ANKMY1: variants seen among roughly 807,000 people sequenced by gnomAD.
ANKMY1 encodes the protein ankyrin repeat and MYND domain-containing protein 1.
ANKMY1 carries 98 observed loss-of-function variants against 102.0 expected under a neutral mutation model. The ratio of observed to expected loss-of-function variants is 0.96; its 90% CI spans 0.82 to 1.14. The LOEUF (loss-of-function observed/expected upper bound fraction) is 1.14. Ranked by LOEUF, ANKMY1 falls within the 50% of genes most tolerant of loss-of-function variation. The pLI, the probability that ANKMY1 is intolerant of heterozygous loss-of-function variation, is 0.00. For missense variants in ANKMY1, 1,330 were observed against 1,347.6 expected (o/e 0.99, Z 0.20); for synonymous variants, 582 against 559.9 (o/e 1.04, Z -0.56).
chr2:240,492,931 C>G (rs1272867984), intron 15 of ANKMY1, among the ~76,000 whole-genome samples: 1 of 152,208 alleles, frequency 6.6e-6, no homozygotes, highest in Non-Finnish European at 1.5e-5. Flanking sequence ...CTCAAGTGAT[C>G]TGCCTGCCTC....
intron 15 of ANKMY1, among the ~76,000 whole-genome samples, chr2:240,498,784 C>T (rs943536840): frequency 9.9e-5 from 15 of 152,090 alleles, no homozygotes; most frequent in South Asian, 8.3e-4. Context: ...CCCTTGGGGA[C>T]GAGTGAGTTC....
At chr2:240,527,507 G>A (rs370804885) in intron 5 of ANKMY1, 2 of 28,000 alleles carry the variant, frequency 7.1e-5, no homozygotes, top group South Asian at 1.2e-3. Flanking sequence ...TTGGTGGGTG[G>A]ATCAATGTTG....
intron 15 of ANKMY1, among the ~76,000 whole-genome samples, chr2:240,494,938 T>C (rs1424163164): frequency 6.6e-6 from 1 of 152,124 alleles, no homozygotes; most frequent in East Asian, 1.9e-4. Context: ...TAGATATGAT[T>C]ATATATAAAT....
chr2:240,529,626 A>G lies in ANKMY1; in HGVS notation c.481-117T>C. On this transcript the variant is annotated intron_variant, in intron 4 of 17. Coordinates refer to ENST00000401804, the MANE Select transcript of ANKMY1 (RefSeq NM_001282771.3). This position sits in a 1 kb window ranked among gnomAD's most constrained non-coding sequence, Gnocchi z 4.2. ...GAAAACTTTCCCAAGAAATGCATGC[A>G]TTCAGCCAGTAAACATCTCTGGAGG... 1 of 1,011,604 alleles carries G rather than the reference A, an allele frequency of 9.9e-7. No individual in the cohort carries two copies. The highest frequency in any genetic ancestry group is 1.4e-6 in the Non-Finnish European group (1 of 711,250). 62.7% of individuals were successfully genotyped at this position (1,011,604 alleles called of 1,614,324 possible). A position where few individuals can be genotyped will look rare whatever the true frequency, so the allele number is the denominator to read the frequency against.
In ANKMY1 at chr2:240,549,186, A is replaced by G. The variant is rs541914937; in HGVS notation, c.480+3728T>C. Reference sequence around the variant, plus strand: ...ACAGAGATATAGATCAATGGAACAGAACAGAGCCCTCAGAAATAACGCCGC... The same window carrying G: ...ACAGAGATATAGATCAATGGAACAGGACAGAGCCCTCAGAAATAACGCCGC... On this transcript the variant is annotated intron_variant, in intron 4 of 17. Transcript: ENST00000401804. Among the ~76,000 whole-genome samples, 14 of 151,752 alleles carry G rather than the reference A, an allele frequency of 9.2e-5. No homozygotes were observed. The South Asian group carries it at 2.9e-3, about 32-fold the overall frequency.
intron 15 of ANKMY1, among the ~76,000 whole-genome samples, chr2:240,492,017 GATTT>G (rs1162380978): frequency 6.6e-6 from 1 of 151,706 alleles, no homozygotes; most frequent in Non-Finnish European, 1.5e-5. Flanking sequence ...AAAAAAAACT[GATTT>G]ATTTTTAGAG....
chr2:240,475,922 C>T (rs186970887), downstream of ANKMY1, among the ~76,000 whole-genome samples: 474 of 152,178 alleles, frequency 3.1e-3, 2 homozygotes, highest in Non-Finnish European at 4.7e-3. Context: ...GTCCATACTA[C>T]CCAAAGCAGT....
At chr2:240,516,685 G>A (rs1409361379) in intron 9 of ANKMY1, among the ~76,000 whole-genome samples, 1 of 152,176 alleles carries the variant, frequency 6.6e-6, no homozygotes, top group African/African-American at 2.4e-5. Flanking sequence ...CTACCATCCA[G>A]GGCTTACTTC....
At chr2:240,475,079 T>C (rs180968724), downstream of ANKMY1, among the ~76,000 whole-genome samples, 38 of 152,368 alleles carry the variant, frequency 2.5e-4, no homozygotes, top group Non-Finnish European at 4.7e-4. Context: ...CAATCTCACC[T>C]GTATCTATTA....
intron 3 of ANKMY1, 50 bp from the exon 4 acceptor site, chr2:240,553,107 CG>C: frequency 6.3e-7 from 1 of 1,597,110 alleles, no homozygotes; most frequent in Non-Finnish European, 8.5e-7. Flanking sequence ...CAGAACCTGA[CG>C]GGATGCCCTT....
At chr2:240,512,055 G>A in intron 10 of ANKMY1, 54 bp from the exon 11 acceptor site, 3 of 1,483,040 alleles carry the variant, frequency 2.0e-6, no homozygotes, top group East Asian at 2.7e-5. Flanking sequence ...TGTGCCCACG[G>A]GAAGGCAAAC....
At chr2:240,485,353 TAGTC>T (rs2075931897) in intron 15 of ANKMY1, among the ~76,000 whole-genome samples, 1 of 146,990 alleles carries the variant, frequency 6.8e-6, no homozygotes, top group African/African-American at 2.5e-5. Context: ...GAAACAAAAA[TAGTC>T]AGGAAACAAC....
intron 4 of ANKMY1, among the ~76,000 whole-genome samples, chr2:240,544,497 G>T (rs2089831220): frequency 6.6e-6 from 1 of 152,222 alleles, no homozygotes; most frequent in South Asian, 2.1e-4. Flanking sequence ...CTCTTGGGGG[G>T]GGAGGAGCCA....
intron 11 of ANKMY1, among the ~76,000 whole-genome samples, chr2:240,509,858 G>A (rs1170142250): frequency 6.6e-6 from 1 of 151,930 alleles, no homozygotes; most frequent in Non-Finnish European, 1.5e-5. Flanking sequence ...CGTAGAGGAC[G>A]GCCTGAGTGT....
chr2:240,492,003 TA>T (rs557401491), intron 15 of ANKMY1, among the ~76,000 whole-genome samples: 2,736 of 147,626 alleles, frequency 0.019, 64 homozygotes, highest in African/African-American at 0.058. Context: ...AGTTTTCTTT[TA>T]AAAAAAAAAA....
chr2:240,487,399 G>A (rs1165568622), intron 15 of ANKMY1, among the ~76,000 whole-genome samples: 1 of 152,192 alleles, frequency 6.6e-6, no homozygotes, highest in Non-Finnish European at 1.5e-5. Flanking sequence ...ATTTAGGTCA[G>A]TTCCATATCA....
rs1475295383 is a variant in ANKMY1 at position 240,529,337 on chromosome 2, G to A, written c.653C>T (p.Pro218Leu). Residue 218 changes from proline (P) to leucine (L), a missense_variant, in exon 5 of 18, where the codon CCT (proline) becomes CTT (leucine). Pro to Leu is a moderately conservative substitution (Grantham distance 98). Coordinates refer to ENST00000401804, the MANE Select transcript of ANKMY1 (RefSeq NM_001282771.3). The surrounding 1 kb of genome is among the most constrained non-coding windows in gnomAD (Gnocchi z 4.2). ...CTCTTCTGAGAGGCTGATCCTGGCA[G>A]GGCTGTGGGTGATGAAGCTGGAGAA... ...PEFSSFITHS[P>L]ARISLSEEEK... 1 of 1,614,082 alleles carries A rather than the reference G, an allele frequency of 6.2e-7. No homozygotes were observed.
intron 11 of ANKMY1, among the ~76,000 whole-genome samples, chr2:240,510,194 G>A (rs2079899032): frequency 1.7e-5 from 1 of 60,184 alleles, no homozygotes; most frequent in African/African-American, 6.6e-5. Flanking sequence ...TGCCCTCCCT[G>A]CCCTCCTCCC....
At chr2:240,481,362 T>A (rs1574852586) in intron 16 of ANKMY1, among the ~76,000 whole-genome samples, 1 of 152,192 alleles carries the variant, frequency 6.6e-6, no homozygotes, top group Non-Finnish European at 1.5e-5. Flanking sequence ...TAGGGGCTGG[T>A]TCAGTGAATG....
Sources: allele counts gnomAD v4.1 joint callset (sites outside exome capture counted in the v4.1 genomes callset), GRCh38; gene constraint gnomAD v4.1.1; non-coding constraint Gnocchi (gnomAD v3.1); transcripts MANE v1.5; gene names NCBI Gene and HGNC (gene_info 2026-07-23, HGNC 2026-07-21).